CNTNAP3B: variants seen among roughly 807,000 people sequenced by gnomAD.
The protein encoded by CNTNAP3B is contactin associated protein family member 3B, also known as contactin-associated protein-like 3B.
CNTNAP3B carries 25 observed loss-of-function variants against 108.9 expected under a neutral mutation model. The observed-to-expected ratio is 0.23, with a 90% CI of 0.17 to 0.32. The LOEUF (loss-of-function observed/expected upper bound fraction) is 0.32, where lower values mean the gene tolerates loss of function less well. Ranked by LOEUF, CNTNAP3B falls within the 10% of genes least tolerant of loss-of-function variation. CNTNAP3B has a pLI of 1.00. For missense variants in CNTNAP3B, 252 were observed against 1,210.4 expected, an observed-to-expected ratio of 0.21 and a Z score of 11.75; for synonymous variants, 103 against 473.4, an observed-to-expected ratio of 0.22 and a Z score of 10.16.
At chr9:42,019,591 CAA>C (rs569640352) in intron 3 of CNTNAP3B, among the ~76,000 whole-genome samples, 13,383 of 99,716 alleles carry the variant, frequency 0.13, 97 homozygotes, top group East Asian at 0.3. Context: ...ATCTCTACTT[CAA>C]AAAAAAAAAA....
At chr9:42,120,672 G>A (rs1171438276) in intron 1 of CNTNAP3B, among the ~76,000 whole-genome samples, 2 of 136,912 alleles carry the variant, frequency 1.5e-5, no homozygotes, top group African/African-American at 2.9e-5. Flanking sequence ...GTCCTTTGTA[G>A]GGACATGGGT....
rs1255810309 is a variant in CNTNAP3B, at chr9:42,125,707, G to A, written c.85+3303C>T. The stretch of plus-strand genomic sequence containing the variant: ...TTTTTTTGAGACAGAGTCTCACTCC[G>A]TCACCCAGGCTGGAGTGCAGTGGCA... On this transcript the variant is annotated intron_variant, in intron 1 of 23. Coordinates refer to ENST00000377561, the MANE Select transcript of CNTNAP3B (RefSeq NM_001201380.3). 5.8e-5 allele frequency among the ~76,000 whole-genome samples: 7 copies of A among 121,350 alleles called. 1 individual carries two copies. Among genetic ancestry groups the A allele is most frequent in the South Asian group, 5.5e-4 (2 of 3,660 alleles). 79.6% of individuals were successfully genotyped at this position (121,350 alleles called of 152,430 possible).
In CNTNAP3B at chr9:41,924,645, GCACACACACACACA is replaced by G. The variant is rs200851620; in HGVS notation, c.2366-566_2366-553del. Among the ~76,000 whole-genome samples, 425 of 135,146 alleles carry G rather than the reference GCACACACACACACA, an allele frequency of 3.1e-3. 1 individual carries two copies. The highest frequency in any genetic ancestry group is 0.013 in the East Asian group (61 of 4,872). 88.7% of individuals were successfully genotyped at this position (135,146 alleles called of 152,430 possible). ...AACACAGACTCTTGCTTTCCTTCCTGCACACACACACACACACACACACACACACACACACACAC... is the reference window on the plus strand; with the variant it reads ...AACACAGACTCTTGCTTTCCTTCCTGCACACACACACACACACACACACAC... On this transcript the variant is annotated intron_variant, in intron 15 of 23. Coordinates refer to ENST00000377561, the MANE Select transcript of CNTNAP3B (RefSeq NM_001201380.3).
At chr9:41,941,999 C>G (rs1824361446) in intron 13 of CNTNAP3B, among the ~76,000 whole-genome samples, 1 of 152,302 alleles carries the variant, frequency 6.6e-6, no homozygotes, top group Admixed American at 6.5e-5. Context: ...TAACAACATT[C>G]TAATCCCCCA....
chr9:41,978,034 C>T (rs1825554979), intron 9 of CNTNAP3B, among the ~76,000 whole-genome samples: 1 of 121,704 alleles, frequency 8.2e-6, no homozygotes, highest in Admixed American at 8.5e-5. Flanking sequence ...CAAGAAGCAC[C>T]TCAAGCATTG....
rs572607410 is a variant in CNTNAP3B at position 41,956,085 on chromosome 9, A to T, written c.1877-2699T>A. On this transcript the variant is annotated intron_variant, in intron 12 of 23. Coordinates refer to ENST00000377561, the MANE Select transcript of CNTNAP3B (RefSeq NM_001201380.3). ...AACTACTGTACTGAGAGTAAAAAAA[A>T]AAATAATAATATTGGTTGTGGCCAG... Among the ~76,000 whole-genome samples the T allele has an allele frequency of 3.8e-3, 585 of 152,298 alleles. 1 individual carries two copies. Among genetic ancestry groups the T allele is most frequent in the East Asian group, 9.5e-3 (49 of 5,180 alleles).
intron 18 of CNTNAP3B, among the ~76,000 whole-genome samples, chr9:41,915,957 A>G (rs1823506482): frequency 6.6e-6 from 1 of 151,378 alleles, no homozygotes; most frequent in Non-Finnish European, 1.5e-5. Flanking sequence ...GTTTACACTA[A>G]CTTAATACAA....
intron 2 of CNTNAP3B, among the ~76,000 whole-genome samples, chr9:42,079,664 G>A (rs1175714597): frequency 7.3e-6 from 1 of 136,434 alleles, no homozygotes; most frequent in Non-Finnish European, 1.6e-5. Flanking sequence ...CGGGATTACA[G>A]GTACATGCCA....
At chr9:41,929,937 T>C (rs1286518733) in intron 14 of CNTNAP3B, among the ~76,000 whole-genome samples, 1 of 152,228 alleles carries the variant, frequency 6.6e-6, no homozygotes, top group Middle Eastern at 3.4e-3. Context: ...CTGATCTAAA[T>C]GATTACAGAG....
intron 14 of CNTNAP3B, among the ~76,000 whole-genome samples, chr9:41,934,122 T>TATATATATACACAC (rs1214326050): frequency 1.8e-4 from 13 of 73,474 alleles, no homozygotes; most frequent in Non-Finnish European, 2.6e-4. Context: ...TATATATATA[T>TATATATATACACAC]ACACACACAT....
intron 13 of CNTNAP3B, among the ~76,000 whole-genome samples, chr9:41,945,700 A>C (rs879202948): frequency 0.012 from 1,756 of 151,262 alleles, no homozygotes; most frequent in African/African-American, 0.029. Flanking sequence ...CACCATTAAC[A>C]TATGGATACA....
intron 18 of CNTNAP3B, among the ~76,000 whole-genome samples, chr9:41,918,013 C>T (rs1428988809): frequency 8.2e-3 from 1,227 of 150,224 alleles, no homozygotes; most frequent in Middle Eastern, 0.014. Context: ...TTCCTTAGGA[C>T]ATTTTCTAAA....
intron 15 of CNTNAP3B, among the ~76,000 whole-genome samples, chr9:41,924,454 G>A (rs1188984622): frequency 2.0e-5 from 3 of 152,424 alleles, no homozygotes; most frequent in Admixed American, 2.0e-4. Flanking sequence ...GAAGGGTGGA[G>A]TCTGAGGTGA....
chr9:42,030,441 T>C (rs1448030358), intron 3 of CNTNAP3B, among the ~76,000 whole-genome samples: 1 of 33,614 alleles, frequency 3.0e-5, no homozygotes, highest in Non-Finnish European at 5.7e-5. Context: ...CCTTTGGCTC[T>C]GGGTCTGTGT....
intron 14 of CNTNAP3B, among the ~76,000 whole-genome samples, chr9:41,932,761 G>T (rs1480108047): frequency 6.6e-6 from 1 of 151,890 alleles, no homozygotes; most frequent in African/African-American, 2.4e-5. Flanking sequence ...TTCATGATCT[G>T]CCCGCCTTGG....
chr9:42,112,790 T>C lies in CNTNAP3B; in HGVS notation c.86-8051A>G, dbSNP rs1224845087. 1.5e-5 allele frequency among the ~76,000 whole-genome samples: 2 copies of C among 134,844 alleles called. 1 individual carries two copies. Among genetic ancestry groups the C allele is most frequent in the Non-Finnish European group, 3.1e-5 (2 of 63,872 alleles). The allele number at this position is 134,844 out of a possible 152,430, so 88.5% of individuals were successfully genotyped here. A position where few individuals can be genotyped will look rare whatever the true frequency, so the allele number is the denominator to read the frequency against. On this transcript the variant is annotated intron_variant, in intron 1 of 23. Transcript: ENST00000377561. ...TAACAACAGTATACCAATTTTAACATACCAGGACCAAGGACTTTATTCTAT... is the reference window on the plus strand; with the variant it reads ...TAACAACAGTATACCAATTTTAACACACCAGGACCAAGGACTTTATTCTAT...
intron 3 of CNTNAP3B, among the ~76,000 whole-genome samples, chr9:42,054,104 A>G (rs1827010866): frequency 7.0e-6 from 1 of 142,476 alleles, no homozygotes; most frequent in Non-Finnish European, 1.5e-5. Context: ...CTTATTGTAG[A>G]TTACCCATTG....
Position 42,070,206 on chromosome 9 carries a change from G to A in CNTNAP3B, c.390+6663C>T, listed in dbSNP as rs1427536693. On this transcript the variant is annotated intron_variant, in intron 3 of 23. Transcript: ENST00000377561. ...ACTAAAGAATGTTCTCTAACTTCCT[G>A]AGTGTTGTGTGTGTGTACTTGCCTC... Among the ~76,000 whole-genome samples, 6 of 151,478 alleles carry A rather than the reference G, an allele frequency of 4.0e-5. No individual in the cohort carries two copies. The East Asian group carries it at 9.7e-4, about 24-fold the overall frequency.
At chr9:41,964,850 T>A (rs1185183957) in intron 10 of CNTNAP3B, among the ~76,000 whole-genome samples, 4 of 152,262 alleles carry the variant, frequency 2.6e-5, no homozygotes, top group African/African-American at 7.2e-5. Context: ...TTATTAGGTT[T>A]CTGTGACAGC....
Sources: allele counts gnomAD v4.1 joint callset (sites outside exome capture counted in the v4.1 genomes callset), GRCh38; gene constraint gnomAD v4.1.1; transcripts MANE v1.5; gene names NCBI Gene and HGNC (gene_info 2026-07-23, HGNC 2026-07-21).